Variants in TYW1 observed in about 807,000 individuals in gnomAD.
TYW1 encodes tRNA-yW synthesizing protein 1 homolog.
TYW1 carries 46 observed loss-of-function variants against 96.2 expected under a neutral mutation model. The observed-to-expected ratio is 0.48, with a 90% CI of 0.38 to 0.61. The LOEUF (loss-of-function observed/expected upper bound fraction) is 0.61, where lower values mean the gene tolerates loss of function less well. Among genes scored for constraint, TYW1 ranks in the 20% least tolerant of loss-of-function variants. TYW1 has a pLI of 0.00. For missense variants in TYW1, 684 were observed against 909.6 expected, an observed-to-expected ratio of 0.75 and a Z score of 3.19; for synonymous variants, 274 against 323.0, an observed-to-expected ratio of 0.85 and a Z score of 1.63.
chr7:67,074,213 G>A (rs1051705435), intron 10 of TYW1, among the ~76,000 whole-genome samples: 1 of 152,136 alleles, frequency 6.6e-6, no homozygotes, highest in African/African-American at 2.4e-5. Context: ...GTAGACTGAA[G>A]TATTGGGATC....
At chr7:67,195,399 C>G in intron 15 of TYW1, 62 bp downstream of exon 15, 2 of 1,604,744 alleles carry the variant, frequency 1.2e-6, no homozygotes, top group South Asian at 1.1e-5. Context: ...TCCTTCTCTT[C>G]TCTCTTTATT....
At chr7:67,143,518 AC>A (rs1319075414) in intron 13 of TYW1, among the ~76,000 whole-genome samples, 1 of 152,224 alleles carries the variant, frequency 6.6e-6, no homozygotes, top group African/African-American at 2.4e-5. Flanking sequence ...CTTAAGAGCC[AC>A]CACTGATTAC....
intron 4 of TYW1, among the ~76,000 whole-genome samples, chr7:67,013,140 A>G (rs1793873360): frequency 6.9e-6 from 1 of 144,094 alleles, no homozygotes; most frequent in Non-Finnish European, 1.5e-5. Context: ...TTTGAGATGG[A>G]GTCTTCGCTT....
chr7:67,237,079 T>C (rs1314369872), intron 15 of TYW1, among the ~76,000 whole-genome samples: 1 of 152,006 alleles, frequency 6.6e-6, no homozygotes, highest in Non-Finnish European at 1.5e-5. Context: ...AGAGATAGGG[T>C]TTTACCATGT....
rs1451149624 is a variant in TYW1, at chr7:67,239,215, G to C, written c.*686G>C. 1.0e-6 allele frequency: 1 copy of C among 985,322 alleles called. No homozygotes were observed. The highest frequency in any genetic ancestry group is 1.7e-5 in the African/African-American group (1 of 57,212). The allele number at this position is 985,322 out of a possible 1,614,324, so 61.0% of individuals were successfully genotyped here. ...AGCGGAGTGAAGCTGTCTGCTGTAA[G>C]AGGAGTGGCCATGTGAGGGCATGGA... is the stretch of plus-strand genomic sequence containing the variant. On this transcript the variant is annotated 3_prime_UTR_variant, in exon 16 of 16. Transcript: ENST00000359626.
chr7:66,998,593 A>T (rs534729465), intron 2 of TYW1, among the ~76,000 whole-genome samples: 1 of 152,364 alleles, frequency 6.6e-6, no homozygotes, highest in East Asian at 1.9e-4. Context: ...TTGGAGGGAA[A>T]GGAAATCATG....
intron 11 of TYW1, among the ~76,000 whole-genome samples, chr7:67,096,974 T>C (rs2686985): frequency 0.34 from 51,740 of 150,646 alleles, 9,344 homozygotes; most frequent in Middle Eastern, 0.4. Flanking sequence ...TCCTGATGCA[T>C]GAGGCCCCTC....
intron 13 of TYW1, among the ~76,000 whole-genome samples, chr7:67,160,984 AT>A (rs1380593885): frequency 6.6e-6 from 1 of 152,176 alleles, no homozygotes; most frequent in African/African-American, 2.4e-5. Flanking sequence ...TTGTTGGATA[AT>A]TCATTCTCTA....
At chr7:67,141,419 A>T (rs1362676511) in intron 13 of TYW1, among the ~76,000 whole-genome samples, 1 of 152,208 alleles carries the variant, frequency 6.6e-6, no homozygotes, top group African/African-American at 2.4e-5. Context: ...TAATTGCTCA[A>T]CTTGAATATG....
intron 14 of TYW1, among the ~76,000 whole-genome samples, chr7:67,187,499 G>T (rs963783885): frequency 2.0e-5 from 3 of 152,178 alleles, no homozygotes; most frequent in African/African-American, 7.2e-5. Flanking sequence ...AATGTCAAAT[G>T]CCTGGTCACT....
chr7:67,099,330 C>T (rs34964674), intron 12 of TYW1, among the ~76,000 whole-genome samples: 4 of 152,084 alleles, frequency 2.6e-5, no homozygotes, highest in African/African-American at 9.7e-5. Context: ...CTGCGCCTGG[C>T]CTAATTTTTA....
At chr7:67,037,504 CAA>C (rs570794125) in intron 7 of TYW1, among the ~76,000 whole-genome samples, 17 of 85,112 alleles carry the variant, frequency 2.0e-4, no homozygotes, top group Non-Finnish European at 1.7e-4. Context: ...AACTCCGTCT[CAA>C]AAAAAAAAAA....
chr7:67,217,915 A>G (rs1435234374), intron 15 of TYW1, among the ~76,000 whole-genome samples: 3 of 134,814 alleles, frequency 2.2e-5, no homozygotes, highest in African/African-American at 5.8e-5. Context: ...CTGGAGTGCA[A>G]TGATGTGATC....
intron 13 of TYW1, among the ~76,000 whole-genome samples, chr7:67,143,173 T>C (rs1188421923): frequency 6.6e-6 from 1 of 152,222 alleles, no homozygotes; most frequent in East Asian, 1.9e-4. Context: ...CCACCAACTC[T>C]TGCTTTGTGC....
At chr7:67,113,955 T>C (rs986206962) in intron 12 of TYW1, among the ~76,000 whole-genome samples, 2 of 152,056 alleles carry the variant, frequency 1.3e-5, no homozygotes, top group African/African-American at 2.4e-5. Flanking sequence ...TTATTCTTTA[T>C]AGATCCTTGC....
intron 13 of TYW1, among the ~76,000 whole-genome samples, chr7:67,137,354 A>G (rs368162007): frequency 6.6e-6 from 1 of 151,830 alleles, no homozygotes; most frequent in East Asian, 1.9e-4. Context: ...GGTGGCTCAC[A>G]CCTGTAATCT....
chr7:67,048,315 CT>C (rs1238667903), intron 7 of TYW1, among the ~76,000 whole-genome samples: 2 of 150,624 alleles, frequency 1.3e-5, no homozygotes, highest in Non-Finnish European at 2.9e-5. Flanking sequence ...ACTTATTCAC[CT>C]GGGGGCTGGA....
At chr7:67,027,218 T>A (rs1292137939) in intron 7 of TYW1, among the ~76,000 whole-genome samples, 21 of 150,888 alleles carry the variant, frequency 1.4e-4, no homozygotes, top group African/African-American at 4.9e-4. Flanking sequence ...AAAAAAGATG[T>A]GAAACGTCTG....
intron 3 of TYW1, among the ~76,000 whole-genome samples, chr7:67,008,093 C>T (rs560697708): frequency 6.4e-4 from 98 of 152,214 alleles, no homozygotes; most frequent in African/African-American, 1.9e-3. Flanking sequence ...ACTCACAGAC[C>T]TCAGGAAGTT....
Sources: allele counts gnomAD v4.1 joint callset (sites outside exome capture counted in the v4.1 genomes callset), GRCh38; gene constraint gnomAD v4.1.1; transcripts MANE v1.5; gene names NCBI Gene and HGNC (gene_info 2026-07-23, HGNC 2026-07-21).